The following SLC24A3 variants were observed in gnomAD, a reference collection of about 807,000 sequenced individuals.
SLC24A3 encodes sodium/potassium/calcium exchanger 3.
A neutral mutation model predicts 75.8 loss-of-function variants in SLC24A3; 28 were observed. That is an observed-to-expected ratio of 0.37 (90% CI 0.27 to 0.51). The LOEUF (loss-of-function observed/expected upper bound fraction) is 0.51. Ranked by LOEUF, SLC24A3 falls within the 20% of genes least tolerant of loss-of-function variation. The pLI is 0.94. For synonymous variants in SLC24A3, 372 were observed against 334.1 expected, an observed-to-expected ratio of 1.11 and a Z score of -1.24; for missense variants, 663 against 847.8, an observed-to-expected ratio of 0.78 and a Z score of 2.71.
chr20:19,721,328 T>A lies in SLC24A3; in HGVS notation c.*188T>A. ...ATCCTCGCTCCCCCACCTCCTTGGGTCATGCCCACCCACCCTTTCCTGCCT... is the reference window on the plus strand; with the variant it reads ...ATCCTCGCTCCCCCACCTCCTTGGGACATGCCCACCCACCCTTTCCTGCCT... On this transcript the variant is annotated 3_prime_UTR_variant, in exon 17 of 17. Transcript: ENST00000328041. 1.6e-6 allele frequency: 1 copy of A among 624,138 alleles called. No individual in the cohort carries two copies. 38.7% of individuals were successfully genotyped at this position (624,138 alleles called of 1,614,324 possible). A position where few individuals can be genotyped will look rare whatever the true frequency, so the allele number is the denominator to read the frequency against.
chr20:19,520,756 T>C (rs2030084735), intron 3 of SLC24A3, among the ~76,000 whole-genome samples: 1 of 152,186 alleles, frequency 6.6e-6, no homozygotes, highest in African/African-American at 2.4e-5. Context: ...TCCGCACTTC[T>C]TTCTTCCTCC....
At chr20:19,409,517 G>A (rs1986708287) in intron 2 of SLC24A3, among the ~76,000 whole-genome samples, 1 of 149,018 alleles carries the variant, frequency 6.7e-6, no homozygotes, top group Admixed American at 6.6e-5. Flanking sequence ...GAGCCACTGA[G>A]TCAGAAAGAC....
At chr20:19,685,889 G>A (rs979556705) in intron 12 of SLC24A3, among the ~76,000 whole-genome samples, 1 of 152,134 alleles carries the variant, frequency 6.6e-6, no homozygotes, top group Non-Finnish European at 1.5e-5. Context: ...ATGAAGGAGA[G>A]ATCTGACTCC....
intron 2 of SLC24A3, among the ~76,000 whole-genome samples, chr20:19,360,276 C>T (rs985289637): frequency 6.6e-6 from 1 of 152,148 alleles, no homozygotes; most frequent in African/African-American, 2.4e-5. Flanking sequence ...CTGATCCTGT[C>T]GATGTCTGTA....
chr20:19,410,736 A>G (rs1986729398), intron 2 of SLC24A3, among the ~76,000 whole-genome samples: 1 of 152,224 alleles, frequency 6.6e-6, no homozygotes, highest in African/African-American at 2.4e-5. Context: ...TGAATGAAAG[A>G]ATCCAATGAA....
At chr20:19,246,057 C>T (rs1982476187) in intron 1 of SLC24A3, among the ~76,000 whole-genome samples, 1 of 152,066 alleles carries the variant, frequency 6.6e-6, no homozygotes, top group South Asian at 2.1e-4. Flanking sequence ...AAGAATAAAA[C>T]ATGTGTAAGA....
intron 6 of SLC24A3, among the ~76,000 whole-genome samples, chr20:19,634,354 C>T (rs1017043017): frequency 3.9e-5 from 6 of 152,092 alleles, no homozygotes; most frequent in African/African-American, 7.2e-5. Context: ...AGTTGCCCAG[C>T]GGCCACCAGA....
At chr20:19,628,243 A>G (rs2031891204) in intron 6 of SLC24A3, among the ~76,000 whole-genome samples, 6 of 151,856 alleles carry the variant, frequency 4.0e-5, no homozygotes, top group Admixed American at 3.9e-4. Context: ...AAAGAAAAGA[A>G]AATAATCTCA....
Position 19,414,207 on chromosome 20 carries a change from G to A in SLC24A3, c.272-101281G>A, listed in dbSNP as rs76362205. On this transcript the variant is annotated intron_variant, in intron 2 of 16. Coordinates refer to ENST00000328041, the MANE Select transcript of SLC24A3 (RefSeq NM_020689.4). ...AGAATGTCATGTGCTACTCAGGAGAGGCACAGATTTTCTGGAAAATAACTA... is the reference window on the plus strand; with the variant it reads ...AGAATGTCATGTGCTACTCAGGAGAAGCACAGATTTTCTGGAAAATAACTA... Among the ~76,000 whole-genome samples, 498 of 152,276 alleles carry A rather than the reference G, an allele frequency of 3.3e-3. 3 individuals are homozygous for A. Among genetic ancestry groups the A allele is most frequent in the African/African-American group, 0.011 (469 of 41,558 alleles).
At chr20:19,350,451 CT>C (rs1212599957) in intron 2 of SLC24A3, among the ~76,000 whole-genome samples, 3 of 152,086 alleles carry the variant, frequency 2.0e-5, no homozygotes, top group Admixed American at 1.3e-4. Flanking sequence ...AAGGTATTTT[CT>C]TTTTGAAATG....
chr20:19,529,643 A>G (rs1457499577), intron 3 of SLC24A3, among the ~76,000 whole-genome samples: 1 of 152,080 alleles, frequency 6.6e-6, no homozygotes, highest in Non-Finnish European at 1.5e-5. Context: ...ACCTCTCCCA[A>G]GTTCATCCCC....
At chr20:19,539,389 C>T (rs1271551859) in intron 3 of SLC24A3, among the ~76,000 whole-genome samples, 2 of 152,126 alleles carry the variant, frequency 1.3e-5, no homozygotes, top group Non-Finnish European at 2.9e-5. Flanking sequence ...TTCACACCTT[C>T]CAAGTTGGCA....
At chr20:19,718,526 T>C (rs1325266330) in intron 16 of SLC24A3, among the ~76,000 whole-genome samples, 1 of 152,222 alleles carries the variant, frequency 6.6e-6, no homozygotes, top group Non-Finnish European at 1.5e-5. Context: ...AATGAGCGAC[T>C]GAGGCCTAGA....
chr20:19,415,081 TG>T (rs1356088994), intron 2 of SLC24A3, among the ~76,000 whole-genome samples: 1 of 152,220 alleles, frequency 6.6e-6, no homozygotes, highest in Non-Finnish European at 1.5e-5. Context: ...TACCTATAAA[TG>T]TGTATATCGA....
At chr20:19,514,986 G>C (rs1048779514) in intron 2 of SLC24A3, among the ~76,000 whole-genome samples, 1 of 152,226 alleles carries the variant, frequency 6.6e-6, no homozygotes, top group African/African-American at 2.4e-5. Flanking sequence ...ATCTGTCTGA[G>C]CCACAGACCC....
At chr20:19,440,229 T>A (rs1384457588) in intron 2 of SLC24A3, among the ~76,000 whole-genome samples, 1 of 152,214 alleles carries the variant, frequency 6.6e-6, no homozygotes, top group Non-Finnish European at 1.5e-5. Context: ...TTCACTTTGA[T>A]CATGCTAGTC....
rs1281632624 is a variant in SLC24A3, at chr20:19,722,409, G to A, written c.*1269G>A. The A allele has an allele frequency of 6.5e-6, 1 of 152,698 alleles. No homozygotes were observed. Among genetic ancestry groups the A allele is most frequent in the African/African-American group, 2.4e-5 (1 of 41,450 alleles). The allele number at this position is 152,698 out of a possible 1,614,324, so 9.5% of individuals were successfully genotyped here. ...ACTGACACCTTTGAAACCACAGAAT[G>A]TGTTACATGCAGACTCGCTCAAGGG... is the stretch of plus-strand genomic sequence containing the variant. On this transcript the variant is annotated 3_prime_UTR_variant, in exon 17 of 17. Transcript: ENST00000328041.
At chr20:19,633,648 C>CAAAAAAA (rs61251598) in intron 6 of SLC24A3, among the ~76,000 whole-genome samples, 7 of 85,100 alleles carry the variant, frequency 8.2e-5, no homozygotes, top group African/African-American at 1.5e-4. Context: ...GACTCCGTCT[C>CAAAAAAA]AAAAAAAAAA....
chr20:19,381,988 CAAAT>C (rs1288405471), intron 2 of SLC24A3, among the ~76,000 whole-genome samples: 2 of 152,190 alleles, frequency 1.3e-5, no homozygotes, highest in Non-Finnish European at 2.9e-5. Context: ...TGGAGCCACT[CAAAT>C]GGCATTTGAA....
Sources: gnomAD v4.1 joint callset for allele counts (sites outside exome capture counted in the v4.1 genomes callset) on GRCh38, gnomAD v4.1.1 for gene constraint, MANE v1.5 for transcripts, NCBI Gene and HGNC (gene_info 2026-07-23, HGNC 2026-07-21) for gene names.